The following IMMP1L variants were observed in gnomAD, a reference collection of about 807,000 sequenced individuals.
IMMP1L encodes the protein inner mitochondrial membrane peptidase subunit 1.
In IMMP1L, 24 loss-of-function variants were observed where a neutral mutation model predicts 21.8. The ratio of observed to expected loss-of-function variants is 1.10; its 90% CI spans 0.80 to 1.55. The LOEUF (loss-of-function observed/expected upper bound fraction) is 1.55. IMMP1L is among the 40% of genes most tolerant of loss of function. IMMP1L has a pLI of 0.00. For missense variants in IMMP1L, 195 were observed against 200.7 expected (o/e 0.97, Z 0.17); for synonymous variants, 46 against 62.8 (o/e 0.73, Z 1.26).
At chr11:31,474,222 TGA>T (rs1335687178) in intron 1 of IMMP1L, among the ~76,000 whole-genome samples, 2 of 152,114 alleles carry the variant, frequency 1.3e-5, no homozygotes, top group East Asian at 1.9e-4. Flanking sequence ...AAAAAGTAAC[TGA>T]GAGATATATG....
chr11:31,463,560 T>C (rs1591984708), intron 1 of IMMP1L, among the ~76,000 whole-genome samples: 1 of 152,194 alleles, frequency 6.6e-6, no homozygotes, highest in African/African-American at 2.4e-5. Flanking sequence ...TAGTAGATTA[T>C]AAACTAGTCT....
intron 1 of IMMP1L, among the ~76,000 whole-genome samples, chr11:31,472,129 A>C (rs1301558232): frequency 6.6e-6 from 1 of 152,196 alleles, no homozygotes; most frequent in Admixed American, 6.5e-5. Flanking sequence ...GATAATTCAC[A>C]ATGATCTCAA....
intron 1 of IMMP1L, among the ~76,000 whole-genome samples, chr11:31,481,052 G>A (rs577356075): frequency 8.5e-5 from 13 of 152,114 alleles, no homozygotes; most frequent in African/African-American, 2.9e-4. Context: ...AGAAAACCCC[G>A]CGTTCCATAT....
intron 4 of IMMP1L, among the ~76,000 whole-genome samples, chr11:31,449,335 A>G (rs1953659909): frequency 6.6e-6 from 1 of 152,208 alleles, no homozygotes; most frequent in Admixed American, 6.5e-5. Context: ...AAACAGAAAG[A>G]CAGCATTTAG....
At chr11:31,479,293 T>A (rs971051724) in intron 1 of IMMP1L, among the ~76,000 whole-genome samples, 2 of 151,992 alleles carry the variant, frequency 1.3e-5, no homozygotes, top group African/African-American at 4.8e-5. Context: ...ATCATCACAA[T>A]CTCTTTAAAC....
At chr11:31,493,417 C>T (rs983530144) in intron 1 of IMMP1L, among the ~76,000 whole-genome samples, 27 of 152,102 alleles carry the variant, frequency 1.8e-4, no homozygotes, top group African/African-American at 5.3e-4. Flanking sequence ...GGTAACCCAC[C>T]CCCGCCATGA....
In IMMP1L at chr11:31,509,527, C is replaced by G. The variant is rs2133859514; in HGVS notation, c.-38G>C. On this transcript the variant is annotated 5_prime_UTR_variant, in exon 1 of 6. Coordinates refer to ENST00000532287, the MANE Select transcript of IMMP1L (RefSeq NM_001304274.2). ...TACGTGATATTACCTACCTCGGGCCCCAAAGAACCCTGGAGACCCTCAACC... is the reference window on the plus strand; with the variant it reads ...TACGTGATATTACCTACCTCGGGCCGCAAAGAACCCTGGAGACCCTCAACC... 1.3e-5 allele frequency: 7 copies of G among 547,158 alleles called. No homozygotes were observed. The East Asian group carries it at 2.1e-4, about 17-fold the overall frequency. The allele number at this position is 547,158 out of a possible 1,614,324, so 33.9% of individuals were successfully genotyped here.
At chr11:31,442,919 GATTTT>G (rs1953387824) in intron 4 of IMMP1L, among the ~76,000 whole-genome samples, 1 of 152,024 alleles carries the variant, frequency 6.6e-6, no homozygotes, top group African/African-American at 2.4e-5. Flanking sequence ...ATGTTTCAAA[GATTTT>G]ATTTTGTGTC....
intron 4 of IMMP1L, chr11:31,448,921 A>G: frequency 1.0e-6 from 1 of 984,560 alleles, no homozygotes; most frequent in Non-Finnish European, 1.2e-6. Flanking sequence ...TGTGTTAGCT[A>G]TAGAATGAAA....
At chr11:31,500,743 C>T (rs1439997979) in intron 1 of IMMP1L, among the ~76,000 whole-genome samples, 1 of 151,936 alleles carries the variant, frequency 6.6e-6, no homozygotes, top group African/African-American at 2.4e-5. Context: ...CAAACTAGGG[C>T]CCATGAGTCA....
At chr11:31,487,472 C>A (rs569849382) in intron 1 of IMMP1L, among the ~76,000 whole-genome samples, 72 of 152,194 alleles carry the variant, frequency 4.7e-4, no homozygotes, top group African/African-American at 1.7e-3. Context: ...CTGACTTTCA[C>A]ACATTTTAAA....
chr11:31,435,968 C>A (rs895756918), intron 4 of IMMP1L, among the ~76,000 whole-genome samples: 5 of 151,936 alleles, frequency 3.3e-5, no homozygotes, highest in African/African-American at 4.8e-5. Flanking sequence ...AATTTAATAC[C>A]TTGGTAATAT....
chr11:31,475,021 A>G (rs1304623682), intron 1 of IMMP1L, among the ~76,000 whole-genome samples: 2 of 152,144 alleles, frequency 1.3e-5, no homozygotes, highest in Non-Finnish European at 2.9e-5. Context: ...CGCATACTCA[A>G]TATTTTCAGA....
At chr11:31,498,200 T>C (rs1342933682) in intron 1 of IMMP1L, among the ~76,000 whole-genome samples, 5 of 152,170 alleles carry the variant, frequency 3.3e-5, no homozygotes, top group Admixed American at 1.3e-4. Flanking sequence ...AATGGAAAAA[T>C]TGTAATACCA....
chr11:31,458,008 C>G lies in IMMP1L; in HGVS notation c.195-1622G>C, dbSNP rs182545268. ...ATTTGCAAAGATTGTAACACGCCAT[C>G]AAAGTTGATTTTGGGTAGCTTTGGA... On this transcript the variant is annotated intron_variant, in intron 3 of 5. Transcript: ENST00000532287. 7.8e-3 allele frequency among the ~76,000 whole-genome samples: 1,195 copies of G among 152,238 alleles called. 25 individuals are homozygous for G. Among genetic ancestry groups the G allele is most frequent in the Admixed American group, 0.034 (517 of 15,292 alleles).
chr11:31,502,698 A>G (rs1955660002), intron 1 of IMMP1L, among the ~76,000 whole-genome samples: 3 of 152,226 alleles, frequency 2.0e-5, no homozygotes, highest in Non-Finnish European at 4.4e-5. Flanking sequence ...CTTTATGTCT[A>G]TGAGACTCTG....
intron 3 of IMMP1L, among the ~76,000 whole-genome samples, chr11:31,460,058 T>G (rs1274985400): frequency 6.6e-6 from 1 of 151,790 alleles, no homozygotes; most frequent in Non-Finnish European, 1.5e-5. Context: ...CTTGGGAGAC[T>G]AAGGGGAAGG....
At chr11:31,491,582 A>G (rs942271667) in intron 1 of IMMP1L, among the ~76,000 whole-genome samples, 5 of 152,246 alleles carry the variant, frequency 3.3e-5, no homozygotes, top group Non-Finnish European at 7.3e-5. Flanking sequence ...GGCTGCTTAC[A>G]GTAAAATGTG....
At chr11:31,445,503 A>G (rs149362146) in intron 4 of IMMP1L, among the ~76,000 whole-genome samples, 229 of 152,346 alleles carry the variant, frequency 1.5e-3, no homozygotes, top group African/African-American at 5.1e-3. Context: ...GCCATACTTC[A>G]AAAAAGAAAT....
Sources: allele counts gnomAD v4.1 joint callset (sites outside exome capture counted in the v4.1 genomes callset), GRCh38; gene constraint gnomAD v4.1.1; transcripts MANE v1.5; gene names NCBI Gene and HGNC (gene_info 2026-07-23, HGNC 2026-07-21).